Variants in MYOM1 observed in about 807,000 individuals in gnomAD.
The protein encoded by MYOM1 is myomesin-1.
In MYOM1, 164 loss-of-function variants were observed where a neutral mutation model predicts 205.3. That is an observed-to-expected ratio of 0.80 (90% CI 0.70 to 0.91). The LOEUF (loss-of-function observed/expected upper bound fraction) is 0.91. Ranked by LOEUF, MYOM1 falls within the 40% of genes least tolerant of loss-of-function variation. The pLI is 0.00. For missense variants in MYOM1, 2,011 were observed against 2,127.3 expected, an observed-to-expected ratio of 0.95 and a Z score of 1.08; for synonymous variants, 772 against 789.4, an observed-to-expected ratio of 0.98 and a Z score of 0.37.
intron 5 of MYOM1, among the ~76,000 whole-genome samples, chr18:3,187,110 C>T (rs1479019940): frequency 6.6e-6 from 1 of 152,156 alleles, no homozygotes; most frequent in African/African-American, 2.4e-5. Context: ...CAAAATCCTG[C>T]CATGTTGTGT....
chr18:3,201,595 T>C (rs1168338508), intron 2 of MYOM1, among the ~76,000 whole-genome samples: 2 of 151,654 alleles, frequency 1.3e-5, no homozygotes, highest in Non-Finnish European at 2.9e-5. Flanking sequence ...TTTATACGTA[T>C]ATAAGCTTAT....
chr18:3,099,097 G>T (rs1234804340), intron 25 of MYOM1, among the ~76,000 whole-genome samples: 2 of 152,198 alleles, frequency 1.3e-5, no homozygotes, highest in African/African-American at 4.8e-5. Flanking sequence ...GGGAGTACAG[G>T]TGTGAACCGC....
chr18:3,164,314 A>G lies in MYOM1; in HGVS notation c.1465T>C (p.Tyr489His), dbSNP rs1196399883. The G allele has an allele frequency of 6.2e-7, 1 of 1,613,244 alleles. No individual in the cohort carries two copies. The highest frequency in any genetic ancestry group is 1.7e-5 in the Admixed American group (1 of 59,940). The change falls in exon 10 of 38, where the codon TAT (tyrosine) becomes CAT (histidine). Residue 489 changes from tyrosine to histidine, a missense_variant. By Grantham distance (83) the Tyr-to-His change is moderately conservative (BLOSUM62 2). Transcript: ENST00000356443. ...ACATAAGCACTATATTGTTCATAAT[A>G]TTCTCCCATCCGTACACGGATTGTA... ...LYTIRVRMGE[Y>H]YEQYSAYVFV...
At chr18:3,234,623 T>C in the MYOM1 span, among the ~76,000 whole-genome samples, 18 of 151,726 alleles carry the variant, frequency 1.2e-4, no homozygotes, top group South Asian at 1.9e-3. Flanking sequence ...CAGTGAGGAG[T>C]GGGCGGCGAT....
intron 12 of MYOM1, 28 bp downstream of exon 12, chr18:3,151,666 A>C: frequency 6.3e-7 from 1 of 1,590,144 alleles, no homozygotes; most frequent in Non-Finnish European, 8.6e-7. Context: ...AGGTTTAGGG[A>C]AGGTCCTGAA....
intron 33 of MYOM1, among the ~76,000 whole-genome samples, chr18:3,083,257 G>A (rs903240866): frequency 1.3e-5 from 2 of 152,104 alleles, no homozygotes; most frequent in African/African-American, 2.4e-5. Context: ...TAACCTCACA[G>A]TAACAGAATG....
rs559171500 is a variant in MYOM1 at position 3,155,601 on chromosome 18, G to T, written c.1502-513C>A. On this transcript the variant is annotated intron_variant, in intron 10 of 37. Coordinates refer to ENST00000356443, the MANE Select transcript of MYOM1 (RefSeq NM_003803.4). ...AGGAAGAACATTGTGTCAGAAAATAGAAAGTGCTCTGAAAAGAACCCATGA... is the reference window on the plus strand; with the variant it reads ...AGGAAGAACATTGTGTCAGAAAATATAAAGTGCTCTGAAAAGAACCCATGA... Among the ~76,000 whole-genome samples, 106 of 152,314 alleles carry T rather than the reference G, an allele frequency of 7.0e-4. No homozygotes were observed. The South Asian group carries it at 0.02, about 29-fold the overall frequency.
chr18:3,110,882 T>C (rs775820662), intron 22 of MYOM1, among the ~76,000 whole-genome samples: 6 of 151,326 alleles, frequency 4.0e-5, no homozygotes, highest in Non-Finnish European at 8.8e-5. Flanking sequence ...CAGGCAAGAT[T>C]GAAAACTACG....
chr18:3,176,125 G>C lies in MYOM1; in HGVS notation c.939C>G (p.Asn313Lys), dbSNP rs1289436870. ...WPEPRVTWYK[N>K]QVPINVHANP... ...TTGCATGGACATTTATTGGCACCTG[G>C]TTTTTATACCTATAACAGAATGGAA... Residue 313 changes from asparagine to lysine, a missense_variant, in exon 6 of 38, where the codon AAC becomes AAG. Transcript: ENST00000356443. The C allele has an allele frequency of 6.2e-7, 1 of 1,601,882 alleles. No homozygotes were observed. The highest frequency in any genetic ancestry group is 8.6e-7 in the Non-Finnish European group (1 of 1,169,134).
At chr18:3,077,739 A>G (rs938728041) in intron 34 of MYOM1, among the ~76,000 whole-genome samples, 3 of 152,158 alleles carry the variant, frequency 2.0e-5, no homozygotes, top group Admixed American at 6.5e-5. Flanking sequence ...TTTTCCACCC[A>G]CTGACTGCCT....
At chr18:3,211,871 T>C (rs1044987152) in intron 2 of MYOM1, among the ~76,000 whole-genome samples, 4 of 152,198 alleles carry the variant, frequency 2.6e-5, no homozygotes, top group African/African-American at 7.2e-5. Flanking sequence ...GAGCTAAAAA[T>C]AGACCAAGCC....
rs2079980756 is a variant in MYOM1, at chr18:3,137,114, C to A, written c.2026-1384G>T. ...TACAGGCGCCCCCCACCACACCTGG[C>A]TAATTTTTTGTATTTTTAGTAGAGG... On this transcript the variant is annotated intron_variant, in intron 14 of 37. Coordinates refer to ENST00000356443, the MANE Select transcript of MYOM1 (RefSeq NM_003803.4). Among the ~76,000 whole-genome samples, 3 of 152,110 alleles carry A rather than the reference C, an allele frequency of 2.0e-5. No homozygotes were observed. In the South Asian group the frequency reaches 6.2e-4, roughly 32 times the overall value.
intron 2 of MYOM1, among the ~76,000 whole-genome samples, chr18:3,201,278 A>G (rs1252328793): frequency 6.6e-6 from 1 of 152,034 alleles, no homozygotes; most frequent in Non-Finnish European, 1.5e-5. Flanking sequence ...GCACTCCTGT[A>G]ATCCCAGCTA....
chr18:3,169,960 A>G (rs1400617808), intron 8 of MYOM1, among the ~76,000 whole-genome samples: 5 of 152,086 alleles, frequency 3.3e-5, no homozygotes, highest in African/African-American at 7.3e-5. Context: ...AATGTTATTC[A>G]GCAAAAAAAA....
the MYOM1 span, among the ~76,000 whole-genome samples, chr18:3,232,231 G>A: frequency 6.6e-6 from 1 of 151,974 alleles, no homozygotes; most frequent in Non-Finnish European, 1.5e-5. Flanking sequence ...TCGAGAGGCT[G>A]AGGCACAAGA....
At chr18:3,213,525 C>T (rs896811896) in intron 2 of MYOM1, among the ~76,000 whole-genome samples, 28 of 152,238 alleles carry the variant, frequency 1.8e-4, no homozygotes, top group African/African-American at 6.7e-4. Context: ...ATAAAACTTG[C>T]CTTGGACTGA....
At chr18:3,165,307 G>C (rs1349850656) in intron 9 of MYOM1, among the ~76,000 whole-genome samples, 2 of 152,116 alleles carry the variant, frequency 1.3e-5, no homozygotes, top group Non-Finnish European at 2.9e-5. Flanking sequence ...TTAATGCTTT[G>C]TCCAATATGG....
chr18:3,205,154 T>C (rs56411847), intron 2 of MYOM1, among the ~76,000 whole-genome samples: 1,793 of 152,214 alleles, frequency 0.012, 20 homozygotes, highest in Middle Eastern at 0.037. Flanking sequence ...CCCTAAGGTG[T>C]TGACTTAATC....
intron 25 of MYOM1, among the ~76,000 whole-genome samples, chr18:3,097,586 T>C (rs1001776083): frequency 6.6e-6 from 1 of 151,842 alleles, no homozygotes; most frequent in Non-Finnish European, 1.5e-5. Context: ...TTTTGTATTT[T>C]TGTAGAGATA....
Sources: gnomAD v4.1 joint callset for allele counts (sites outside exome capture counted in the v4.1 genomes callset) on GRCh38, gnomAD v4.1.1 for gene constraint, MANE v1.5 for transcripts, NCBI Gene and HGNC (gene_info 2026-07-23, HGNC 2026-07-21) for gene names.